Variants in PARP9 observed in about 807,000 individuals in gnomAD.
PARP9 encodes protein mono-ADP-ribosyltransferase PARP9.
Under a neutral mutation model 68.8 loss-of-function variants are expected in PARP9, and 48 were observed. That is an observed-to-expected ratio of 0.70 (90% CI 0.55 to 0.89). PARP9 has a LOEUF of 0.89. Among genes scored for constraint, PARP9 ranks in the 40% least tolerant of loss-of-function variants. PARP9 has a pLI of 0.00. For synonymous variants in PARP9, 309 were observed against 333.8 expected, an observed-to-expected ratio of 0.93 and a Z score of 0.81; for missense variants, 806 against 969.3, an observed-to-expected ratio of 0.83 and a Z score of 2.24.
intron 8 of PARP9, among the ~76,000 whole-genome samples, chr3:122,538,323 G>A (rs113000199): frequency 1.1e-4 from 16 of 152,292 alleles, no homozygotes; most frequent in African/African-American, 2.2e-4. Context: ...AACTTCTGCC[G>A]TTGGAAATGC....
intron 5 of PARP9, among the ~76,000 whole-genome samples, chr3:122,551,206 CATT>C (rs2079175719): frequency 6.6e-6 from 1 of 152,208 alleles, no homozygotes; most frequent in South Asian, 2.1e-4. Flanking sequence ...TATTCAACAT[CATT>C]AAGATCTATC....
At chr3:122,547,191 T>A (rs1375287683) in intron 6 of PARP9, among the ~76,000 whole-genome samples, 2 of 147,528 alleles carry the variant, frequency 1.4e-5, no homozygotes, top group Admixed American at 1.4e-4. Context: ...GTCTCCCTGG[T>A]TCAAGTGATT....
Position 122,544,291 on chromosome 3 carries a change from G to A in PARP9, c.1384+1141C>T, listed in dbSNP as rs1185620011. ...TCCCTTTCTCCCCTTAGCTAACTGG[G>A]GAGTTTGTCTATCTTCCCAGTCATT... On this transcript the variant is annotated intron_variant, in intron 7 of 10. Transcript: ENST00000682323. 3.9e-5 allele frequency among the ~76,000 whole-genome samples: 6 copies of A among 152,046 alleles called. No individual in the cohort carries two copies. In the East Asian group the frequency reaches 1.2e-3, roughly 29 times the overall value.
At chr3:122,548,801 A>G (rs981668035) in intron 6 of PARP9, among the ~76,000 whole-genome samples, 1 of 152,180 alleles carries the variant, frequency 6.6e-6, no homozygotes, top group South Asian at 2.1e-4. Flanking sequence ...ATGAGCTAAA[A>G]AAGAATGGGT....
intron 10 of PARP9, chr3:122,534,160 C>T: frequency 1.2e-6 from 1 of 811,198 alleles, no homozygotes; most frequent in Non-Finnish European, 1.5e-6. Flanking sequence ...TATATGGAGA[C>T]AAGATCTGTG....
At position 122,528,218 on chromosome 3, in the gene PARP9, T is replaced by C; in HGVS notation, c.*146A>G. The C allele has an allele frequency of 2.9e-6, 3 of 1,027,644 alleles. 1 individual carries two copies. The highest frequency in any genetic ancestry group is 3.4e-5 in the South Asian group (2 of 58,660). The allele number at this position is 1,027,644 out of a possible 1,614,324, so 63.7% of individuals were successfully genotyped here. A position where few individuals can be genotyped will look rare whatever the true frequency, so the allele number is the denominator to read the frequency against. On this transcript the variant is annotated 3_prime_UTR_variant, in exon 11 of 11. Transcript: ENST00000682323. ...ACAGATAAAGGCACTAAGATGCTAG[T>C]ATGTGGCTAGTCCTTTCAATAACCC... is the stretch of plus-strand genomic sequence containing the variant.
At chr3:122,560,967 C>G (rs753169415) in intron 1 of PARP9, among the ~76,000 whole-genome samples, 2 of 152,178 alleles carry the variant, frequency 1.3e-5, no homozygotes, top group Non-Finnish European at 2.9e-5. Context: ...AAACAAGGAG[C>G]ATAGTGCCCT....
chr3:122,538,658 CCACACA>C (rs10577699), intron 8 of PARP9, among the ~76,000 whole-genome samples: 100 of 145,010 alleles, frequency 6.9e-4, no homozygotes, highest in African/African-American at 1.1e-3. Context: ...TAAAGCAATG[CCACACA>C]CACACACACA....
chr3:122,564,275 C>A lies in PARP9; in HGVS notation c.-120G>T. 1 of 965,652 alleles carries A rather than the reference C, an allele frequency of 1.0e-6. No individual in the cohort carries two copies. Among genetic ancestry groups the A allele is most frequent in the Non-Finnish European group, 1.5e-6 (1 of 673,774 alleles). The allele number at this position is 965,652 out of a possible 1,614,324, so 59.8% of individuals were successfully genotyped here. A position where few individuals can be genotyped will look rare whatever the true frequency, so the allele number is the denominator to read the frequency against. On this transcript the variant is annotated 5_prime_UTR_variant, in exon 1 of 11. Transcript: ENST00000682323. ...AGGCCGCTCTCCTCGGTGCAGACAG[C>A]ACAGGGAGGAGGGGGAAGCGGCTCT...
chr3:122,559,000 G>A (rs1169285342), intron 2 of PARP9, among the ~76,000 whole-genome samples: 1 of 152,208 alleles, frequency 6.6e-6, no homozygotes, highest in East Asian at 1.9e-4. Context: ...ATAGGCGCCA[G>A]CCACCGCCAA....
Position 122,564,232 on chromosome 3 carries a change from C to A in PARP9, c.-90+13G>T. ...GGGGACCCCGAGGGCCCAGAGGCACCGGACCTACTCACCCGGCAGGCCGCT... is the reference window on the plus strand; with the variant it reads ...GGGGACCCCGAGGGCCCAGAGGCACAGGACCTACTCACCCGGCAGGCCGCT... On this transcript the variant is annotated intron_variant, in intron 1 of 10. Coordinates refer to ENST00000682323, the MANE Select transcript of PARP9 (RefSeq NM_001146105.2). 1 of 616,132 alleles carries A rather than the reference C, an allele frequency of 1.6e-6. No individual in the cohort carries two copies. Among genetic ancestry groups the A allele is most frequent in the East Asian group, 3.4e-5 (1 of 29,314 alleles). The allele number at this position is 616,132 out of a possible 1,614,324, so 38.2% of individuals were successfully genotyped here. A position where few individuals can be genotyped will look rare whatever the true frequency, so the allele number is the denominator to read the frequency against.
At chr3:122,564,721 G>A (rs2080524968), upstream of PARP9, 1 of 1,357,468 alleles carries the variant, frequency 7.4e-7, no homozygotes, top group Non-Finnish European at 9.9e-7. Flanking sequence ...GAGAAAGTAT[G>A]TCACTGTGCG....
intron 4 of PARP9, among the ~76,000 whole-genome samples, chr3:122,553,475 C>T (rs2107695668): frequency 6.6e-6 from 1 of 152,244 alleles, no homozygotes; most frequent in South Asian, 2.1e-4. Flanking sequence ...TTTGGGGGCA[C>T]CGACACCCTT....
At chr3:122,548,862 C>CTGCT (rs1288392557) in intron 6 of PARP9, among the ~76,000 whole-genome samples, 2 of 152,188 alleles carry the variant, frequency 1.3e-5, no homozygotes, top group African/African-American at 2.4e-5. Flanking sequence ...AGGCATACCA[C>CTGCT]TGCTGTTAAA....
intron 8 of PARP9, 58 bp downstream of exon 8, chr3:122,540,414 C>A: frequency 6.3e-7 from 1 of 1,586,106 alleles, no homozygotes. Context: ...CACGCTCACA[C>A]CCAAAAGAAG....
At chr3:122,553,699 T>A (rs1177226432) in intron 4 of PARP9, among the ~76,000 whole-genome samples, 1 of 152,170 alleles carries the variant, frequency 6.6e-6, no homozygotes, top group Non-Finnish European at 1.5e-5. Context: ...TTTACCAGTG[T>A]CTAAGACTAT....
chr3:122,528,329 G>A lies in PARP9; in HGVS notation c.*35C>T, dbSNP rs371248001. On this transcript the variant is annotated 3_prime_UTR_variant, in exon 11 of 11. Coordinates refer to ENST00000682323, the MANE Select transcript of PARP9 (RefSeq NM_001146105.2). ...TCATTATTTGGTTAGTTCACCCAAG[G>A]TAAGGCCATACCAGCTGTTAAAATG... 4.4e-6 allele frequency: 7 copies of A among 1,588,184 alleles called. No individual in the cohort carries two copies. Among genetic ancestry groups the A allele is most frequent in the Middle Eastern group, 3.4e-4 (2 of 5,848 alleles).
intron 2 of PARP9, among the ~76,000 whole-genome samples, chr3:122,559,342 C>T (rs953716180): frequency 2.0e-5 from 3 of 152,200 alleles, no homozygotes; most frequent in Admixed American, 6.5e-5. Flanking sequence ...TTACCCCAAC[C>T]CGAAAAAGCA....
chr3:122,530,020 T>C (rs575718245), intron 10 of PARP9, among the ~76,000 whole-genome samples: 39 of 151,256 alleles, frequency 2.6e-4, no homozygotes, highest in Non-Finnish European at 4.6e-4. Context: ...CCACAAAGAA[T>C]ACAAAAATTA....
Sources: gnomAD v4.1 joint callset for allele counts (sites outside exome capture counted in the v4.1 genomes callset) on GRCh38, gnomAD v4.1.1 for gene constraint, MANE v1.5 for transcripts, NCBI Gene and HGNC (gene_info 2026-07-23, HGNC 2026-07-21) for gene names.